The following CFAP52 variants were observed in gnomAD, a reference collection of about 807,000 sequenced individuals.
The protein encoded by CFAP52 is cilia- and flagella-associated protein 52.
CFAP52 carries 57 observed loss-of-function variants against 70.5 expected under a neutral mutation model. The observed-to-expected ratio is 0.81, with a 90% CI of 0.65 to 1.01. The LOEUF (loss-of-function observed/expected upper bound fraction) is 1.01. Among genes scored for constraint, CFAP52 ranks in the 50% least tolerant of loss-of-function variants. The pLI, the probability that CFAP52 is intolerant of heterozygous loss-of-function variation, is 0.00. For synonymous variants in CFAP52, 267 were observed against 292.5 expected (o/e 0.91, Z 0.89); for missense variants, 785 against 788.5 (o/e 1.00, Z 0.05).
intron 7 of CFAP52, 63 bp from the exon 8 acceptor site, chr17:9,612,246 A>T: frequency 6.4e-7 from 1 of 1,572,504 alleles, no homozygotes; most frequent in East Asian, 2.3e-5. Context: ...GCCATGCTTC[A>T]CATGATTCGT....
intron 1 of CFAP52, among the ~76,000 whole-genome samples, chr17:9,581,192 C>T (rs998726687): frequency 6.6e-6 from 1 of 152,172 alleles, no homozygotes; most frequent in Non-Finnish European, 1.5e-5. Flanking sequence ...TGGCGGGCAC[C>T]TGTAGTCCCA....
At chr17:9,628,478 C>A (rs749427640) in intron 8 of CFAP52, among the ~76,000 whole-genome samples, 194 bp from the exon 9 acceptor site, 1 of 152,010 alleles carries the variant, frequency 6.6e-6, no homozygotes, top group Non-Finnish European at 1.5e-5. Context: ...CGGGGTTTCA[C>A]CATGTTGGTC....
chr17:9,643,675 A>G (rs1223420638), downstream of CFAP52, among the ~76,000 whole-genome samples: 1 of 152,218 alleles, frequency 6.6e-6, no homozygotes, highest in East Asian at 1.9e-4. Flanking sequence ...TTTGTCAAGC[A>G]AGAGTAAGTT....
intron 8 of CFAP52, among the ~76,000 whole-genome samples, chr17:9,624,168 T>A (rs1910153347): frequency 6.6e-6 from 1 of 152,196 alleles, no homozygotes; most frequent in Admixed American, 6.5e-5. Flanking sequence ...TTTGTGTTTA[T>A]CCTTTCTTAG....
intron 4 of CFAP52, among the ~76,000 whole-genome samples, chr17:9,594,983 C>G (rs1416904241): frequency 6.6e-6 from 1 of 150,898 alleles, no homozygotes; most frequent in African/African-American, 2.4e-5. Flanking sequence ...CTCCACCTCC[C>G]GGGTTCAAGC....
At chr17:9,608,043 T>G in intron 6 of CFAP52, 76 bp from the exon 7 acceptor site, 2 of 1,151,814 alleles carry the variant, frequency 1.7e-6, no homozygotes, top group South Asian at 4.0e-5. Flanking sequence ...AGGTGGTATT[T>G]GGTTACATGA....
intron 4 of CFAP52, among the ~76,000 whole-genome samples, chr17:9,595,472 C>T (rs566232240): frequency 2.0e-5 from 3 of 150,654 alleles, no homozygotes; most frequent in African/African-American, 7.3e-5. Flanking sequence ...CCTAAAGCAA[C>T]TGACCACGGG....
chr17:9,600,792 A>C (rs2151936727), intron 6 of CFAP52, among the ~76,000 whole-genome samples: 1 of 152,306 alleles, frequency 6.6e-6, no homozygotes, highest in East Asian at 1.9e-4. Flanking sequence ...TTAATGAAGA[A>C]AGAGTTTGTG....
chr17:9,644,780 G>C (rs1911246430), downstream of CFAP52: 1 of 152,208 alleles, frequency 6.6e-6, no homozygotes, highest in Non-Finnish European at 1.5e-5. Context: ...GAACTTGGCA[G>C]TCCATAGATC....
intron 6 of CFAP52, among the ~76,000 whole-genome samples, chr17:9,603,814 A>G (rs1348617897): frequency 6.6e-6 from 1 of 152,214 alleles, no homozygotes; most frequent in African/African-American, 2.4e-5. Context: ...CTGCACATGT[A>G]TCCCAGAACT....
At position 9,609,093 on chromosome 17, in the gene CFAP52, C is replaced by T. The variant is rs532637301; in HGVS notation, c.854+874C>T. Among the ~76,000 whole-genome samples the T allele has an allele frequency of 1.4e-4, 22 of 152,174 alleles. No homozygotes were observed. In the South Asian group the frequency reaches 4.6e-3, roughly 32 times the overall value. On this transcript the variant is annotated intron_variant, in intron 7 of 13. Coordinates refer to ENST00000352665, the MANE Select transcript of CFAP52 (RefSeq NM_145054.5). Reference sequence around the variant, plus strand: ...ACATGTGCTTTATGGCCTCTGCTACCCCCAGGAAGCCAGGGGTAGTTGCAC... The same window carrying T: ...ACATGTGCTTTATGGCCTCTGCTACTCCCAGGAAGCCAGGGGTAGTTGCAC...
Position 9,585,961 on chromosome 17 carries a change from A to G in CFAP52, c.259A>G (p.Met87Val). 2 of 1,563,234 alleles carry G rather than the reference A, an allele frequency of 1.3e-6. No individual in the cohort carries two copies. The highest frequency in any genetic ancestry group is 1.7e-6 in the Non-Finnish European group (2 of 1,149,006). The change falls in exon 2 of 14, where the codon ATG becomes GTG. Residue 87 changes from methionine (M) to valine (V), a missense_variant. By Grantham distance (21) the Met-to-Val change is conservative. Transcript: ENST00000352665. ...EYIASGQVTF[M>V]GFKADIILWD... ...CATCGCCTCCGGACAAGTCACATTCATGGGGTTCAAGGTGAATACAGTGAA... is the reference window on the plus strand; with the variant it reads ...CATCGCCTCCGGACAAGTCACATTCGTGGGGTTCAAGGTGAATACAGTGAA...
intron 8 of CFAP52, among the ~76,000 whole-genome samples, chr17:9,614,384 A>G (rs1909829441): frequency 4.0e-5 from 6 of 151,838 alleles, no homozygotes; most frequent in Admixed American, 3.9e-4. Flanking sequence ...GCGAGCTCCC[A>G]ACCTCAGGTG....
intron 3 of CFAP52, 57 bp from the exon 4 acceptor site, chr17:9,594,135 AT>A: frequency 1.3e-6 from 2 of 1,514,340 alleles, no homozygotes; most frequent in Non-Finnish European, 1.8e-6. Context: ...GTTGTTTCTT[AT>A]TTTAAAAGCC....
At chr17:9,605,807 A>G (rs1597780734) in intron 6 of CFAP52, among the ~76,000 whole-genome samples, 1 of 151,696 alleles carries the variant, frequency 6.6e-6, no homozygotes, top group Non-Finnish European at 1.5e-5. Context: ...ACTATTCTGT[A>G]TGGCACTATA....
At chr17:9,601,398 A>G (rs1241423822) in intron 6 of CFAP52, among the ~76,000 whole-genome samples, 2 of 151,874 alleles carry the variant, frequency 1.3e-5, no homozygotes, top group Admixed American at 6.6e-5. Flanking sequence ...GTACCCTAAA[A>G]CTTAAAGTAT....
At chr17:9,634,281 G>A (rs993666858) in intron 10 of CFAP52, among the ~76,000 whole-genome samples, 13 of 152,104 alleles carry the variant, frequency 8.5e-5, no homozygotes, top group Admixed American at 8.5e-4. Flanking sequence ...TCCAACATAG[G>A]CACTATAAGA....
At chr17:9,604,750 AAAATAAATAAATAAATAAATAAATAAAT>A (rs58770209) in intron 6 of CFAP52, among the ~76,000 whole-genome samples, 1 of 135,028 alleles carries the variant, frequency 7.4e-6, no homozygotes, top group South Asian at 2.5e-4. Context: ...ACTCTGTCTC[AAAATAAATAAATAAATAAATAAATAAAT>A]AAATAAATAA....
intron 8 of CFAP52, among the ~76,000 whole-genome samples, chr17:9,622,087 A>G (rs1910062589): frequency 6.6e-6 from 1 of 152,176 alleles, no homozygotes; most frequent in Non-Finnish European, 1.5e-5. Flanking sequence ...AAAAGGCAAG[A>G]GTCTCAGCAT....
Sources: allele counts gnomAD v4.1 joint callset (sites outside exome capture counted in the v4.1 genomes callset), GRCh38; gene constraint gnomAD v4.1.1; transcripts MANE v1.5; gene names NCBI Gene and HGNC (gene_info 2026-07-23, HGNC 2026-07-21).